The following CES3 variants were observed in gnomAD, a reference collection of about 807,000 sequenced individuals.
CES3 encodes carboxylesterase 3.
CES3 carries 49 observed loss-of-function variants against 57.6 expected under a neutral mutation model. The observed-to-expected ratio is 0.85, with a 90% CI of 0.68 to 1.08. The LOEUF (loss-of-function observed/expected upper bound fraction) is 1.08, where lower values mean the gene tolerates loss of function less well. Ranked by LOEUF, CES3 falls within the 50% of genes least tolerant of loss-of-function variation. The pLI, the probability that CES3 is intolerant of heterozygous loss-of-function variation, is 0.00. For synonymous variants in CES3, 266 were observed against 281.6 expected, an observed-to-expected ratio of 0.94 and a Z score of 0.55; for missense variants, 645 against 742.0, an observed-to-expected ratio of 0.87 and a Z score of 1.52.
intron 8 of CES3, among the ~76,000 whole-genome samples, chr16:66,967,226 G>A (rs1018775224): frequency 6.6e-6 from 1 of 152,156 alleles, no homozygotes; most frequent in Non-Finnish European, 1.5e-5. Flanking sequence ...GGGATTACAG[G>A]CACATGCCAC....
Position 66,963,029 on chromosome 16 carries a change from G to A in CES3, c.83-150G>A, listed in dbSNP as rs755471610. ...GCAGGCAGGGAGGAGGAAGTTGGGCGTCAACCTAAGACCAGGCTCACCGGC... is the reference window on the plus strand; with the variant it reads ...GCAGGCAGGGAGGAGGAAGTTGGGCATCAACCTAAGACCAGGCTCACCGGC... On this transcript the variant is annotated intron_variant, in intron 1 of 12. Coordinates refer to ENST00000303334, the MANE Select transcript of CES3 (RefSeq NM_024922.6). This position sits in a 1 kb window ranked among gnomAD's most constrained non-coding sequence, Gnocchi z 4.9. 2.3e-5 allele frequency: 19 copies of A among 827,222 alleles called. No homozygotes were observed. Among genetic ancestry groups the A allele is most frequent in the African/African-American group, 1.2e-4 (7 of 59,632 alleles). The allele number at this position is 827,222 out of a possible 1,614,324, so 51.2% of individuals were successfully genotyped here. A position where few individuals can be genotyped will look rare whatever the true frequency, so the allele number is the denominator to read the frequency against.
At chr16:66,971,360 G>A (rs753677027) in intron 10 of CES3, 41 bp downstream of exon 10, 42 of 1,594,568 alleles carry the variant, frequency 2.6e-5, no homozygotes, top group Non-Finnish European at 3.4e-5. Flanking sequence ...CCTCCCACTT[G>A]GGCCCAGGAG....
chr16:66,966,695 G>A (rs912882114), intron 7 of CES3, 30 bp from the exon 8 acceptor site: 5 of 1,613,026 alleles, frequency 3.1e-6, no homozygotes, highest in Non-Finnish European at 4.2e-6. Context: ...GCCCTAACTT[G>A]GGAGCCTCCT....
Position 66,963,758 on chromosome 16 carries a change from G to C in CES3, c.427-44G>C. Reference sequence around the variant, plus strand: ...CTGGGCTGGCAGGTGGGCAGCTAAGGTCTCAGGAGCTTGGGGGTCAGTGCC... The same window carrying C: ...CTGGGCTGGCAGGTGGGCAGCTAAGCTCTCAGGAGCTTGGGGGTCAGTGCC... On this transcript the variant is annotated intron_variant, in intron 3 of 12. Transcript: ENST00000303334. The surrounding 1 kb of genome is among the most constrained non-coding windows in gnomAD (Gnocchi z 4.9). 1 of 1,609,806 alleles carries C rather than the reference G, an allele frequency of 6.2e-7. No homozygotes were observed. The highest frequency in any genetic ancestry group is 2.2e-5 in the East Asian group (1 of 44,720).
chr16:66,970,402 C>T (rs1359928522), intron 9 of CES3, among the ~76,000 whole-genome samples: 1 of 152,252 alleles, frequency 6.6e-6, no homozygotes, highest in Non-Finnish European at 1.5e-5. Context: ...AGCCACCGCG[C>T]CCGGCGCTGC....
rs1386078102 is a variant in CES3, at chr16:66,972,296, CA to C, written c.1292-57del. The C allele has an allele frequency of 3.4e-6, 5 of 1,478,724 alleles. No individual in the cohort carries two copies. The African/African-American group carries it at 4.2e-5, about 13-fold the overall frequency. 91.6% of individuals were successfully genotyped at this position (1,478,724 alleles called of 1,614,324 possible). A position where few individuals can be genotyped will look rare whatever the true frequency, so the allele number is the denominator to read the frequency against. ...TGGTGTTATTATGAGCATGTGCTGCCAAAGGCAGCATCGAATCAGGCCATGA... is the reference window on the plus strand; with the variant it reads ...TGGTGTTATTATGAGCATGTGCTGCCAAGGCAGCATCGAATCAGGCCATGA... On this transcript the variant is annotated intron_variant, in intron 10 of 12. Transcript: ENST00000303334.
At chr16:66,964,076 C>T in intron 4 of CES3, 141 bp downstream of exon 4, 2 of 1,303,132 alleles carry the variant, frequency 1.5e-6, no homozygotes, top group Non-Finnish European at 2.1e-6. Context: ...AAGGGCACCC[C>T]CCAAGCCTCC....
intron 4 of CES3, 128 bp from the exon 5 acceptor site, chr16:66,964,229 G>T (rs139957885): frequency 3.8e-6 from 5 of 1,306,732 alleles, no homozygotes; most frequent in East Asian, 2.4e-5. Context: ...TGCCAACCAC[G>T]GCTCCCAGAC....
At chr16:66,972,526 A>T (rs1347953820) in intron 11 of CES3, 21 bp downstream of exon 11, 2 of 1,608,468 alleles carry the variant, frequency 1.2e-6, no homozygotes, top group Non-Finnish European at 1.7e-6. Context: ...ACAGACAGAC[A>T]TGTGATCCCT....
In CES3 at chr16:66,967,649, C is replaced by A. The variant is rs185358134; in HGVS notation, c.1062+784C>A. 2.5e-4 allele frequency: 244 copies of A among 984,914 alleles called. No homozygotes were observed. In the Middle Eastern group the frequency reaches 7.8e-3, roughly 32 times the overall value. The allele number at this position is 984,914 out of a possible 1,614,324, so 61.0% of individuals were successfully genotyped here. A position where few individuals can be genotyped will look rare whatever the true frequency, so the allele number is the denominator to read the frequency against. On this transcript the variant is annotated intron_variant, in intron 8 of 12. Transcript: ENST00000303334. The stretch of plus-strand genomic sequence containing the variant: ...TCTTGTTTCTGTCATTCTTATTCTT[C>A]TACCCATCTTCACAGCAATCATTTT...
intron 4 of CES3, 117 bp from the exon 5 acceptor site, chr16:66,964,240 A>C (rs2145531198): frequency 7.2e-7 from 1 of 1,387,250 alleles, no homozygotes; most frequent in Non-Finnish European, 9.7e-7. Flanking sequence ...GCTCCCAGAC[A>C]GGCCAGACCT....
rs1436970974 is a variant in CES3, at chr16:66,974,261, C to T, written c.*1212C>T. On this transcript the variant is annotated 3_prime_UTR_variant, in exon 13 of 13. Coordinates refer to ENST00000303334, the MANE Select transcript of CES3 (RefSeq NM_024922.6). ...CCAAGGCCGGAGCCAGCTCCCTCAG[C>T]TTGCGGGGAGGTGCGGAGGGAGAGG... is the stretch of plus-strand genomic sequence containing the variant. The T allele has an allele frequency of 6.5e-6, 1 of 152,806 alleles. No homozygotes were observed. The highest frequency in any genetic ancestry group is 1.5e-5 in the Non-Finnish European group (1 of 68,518). 9.5% of individuals were successfully genotyped at this position (152,806 alleles called of 1,614,324 possible). A position where few individuals can be genotyped will look rare whatever the true frequency, so the allele number is the denominator to read the frequency against.
rs1462584031 is a variant in CES3 at position 66,963,456 on chromosome 16, G to A, written c.288-35G>A. ...TCCTGCTGCTGGGGCTTGTGGGGCT[G>A]AACAGCTGGACCTCAGGCCCACCCT... is the stretch of plus-strand genomic sequence containing the variant. On this transcript the variant is annotated intron_variant, in intron 2 of 12. Transcript: ENST00000303334. The surrounding 1 kb of genome is among the most constrained non-coding windows in gnomAD (Gnocchi z 4.9). The A allele has an allele frequency of 6.2e-7, 1 of 1,609,070 alleles. No homozygotes were observed. The highest frequency in any genetic ancestry group is 8.5e-7 in the Non-Finnish European group (1 of 1,176,076).
At chr16:66,969,355 G>A (rs887182714) in intron 8 of CES3, among the ~76,000 whole-genome samples, 5 of 152,168 alleles carry the variant, frequency 3.3e-5, no homozygotes, top group South Asian at 2.1e-4. Flanking sequence ...GCGGTGAGCC[G>A]AGATTGCGCC....
chr16:66,962,792 G>A (rs1963668943), intron 1 of CES3, among the ~76,000 whole-genome samples: 1 of 152,226 alleles, frequency 6.6e-6, no homozygotes, highest in African/African-American at 2.4e-5. Context: ...AGCTACTTGG[G>A]AGGCTGAGGC....
chr16:66,966,610 C>A, intron 7 of CES3, 115 bp from the exon 8 acceptor site: 1 of 1,369,768 alleles, frequency 7.3e-7, no homozygotes, highest in Non-Finnish European at 1.0e-6. Context: ...ATCTTCATCC[C>A]TTCACTTTCC....
rs1410622859 is a variant in CES3, at chr16:66,972,269, AT to A, written c.1292-85del. The A allele has an allele frequency of 2.4e-6, 3 of 1,263,750 alleles. No individual in the cohort carries two copies. In the African/African-American group the frequency reaches 4.5e-5, roughly 19 times the overall value. 78.3% of individuals were successfully genotyped at this position (1,263,750 alleles called of 1,614,324 possible). On this transcript the variant is annotated intron_variant, in intron 10 of 12. Transcript: ENST00000303334. Reference sequence around the variant, plus strand: ...CATCATCATCATCATCATCATGGAAATTGGTGTTATTATGAGCATGTGCTGC... The same window carrying A: ...CATCATCATCATCATCATCATGGAAATGGTGTTATTATGAGCATGTGCTGC...
chr16:66,967,762 T>C, intron 8 of CES3: 1 of 984,950 alleles, frequency 1.0e-6, no homozygotes, highest in Non-Finnish European at 1.2e-6. Flanking sequence ...TTGTTGTTTG[T>C]GTGTTTGTTT....
intron 6 of CES3, among the ~76,000 whole-genome samples, chr16:66,965,128 G>A (rs1963711774): frequency 6.6e-6 from 1 of 152,250 alleles, no homozygotes. Context: ...GGAAGCCACA[G>A]TGGGAACTGC....
Sources: allele counts gnomAD v4.1 joint callset (sites outside exome capture counted in the v4.1 genomes callset), GRCh38; gene constraint gnomAD v4.1.1; non-coding constraint Gnocchi (gnomAD v3.1); transcripts MANE v1.5; gene names NCBI Gene and HGNC (gene_info 2026-07-23, HGNC 2026-07-21).